The following ESRRG variants were observed in gnomAD, a reference collection of about 807,000 sequenced individuals.
ESRRG encodes estrogen-related receptor gamma.
Under a neutral mutation model 44.0 loss-of-function variants are expected in ESRRG, and 13 were observed. The observed-to-expected ratio is 0.30, with a 90% confidence interval of 0.19 to 0.47. The LOEUF (loss-of-function observed/expected upper bound fraction) is 0.47. ESRRG is among the 20% of genes least tolerant of loss of function. The pLI, the probability that ESRRG is intolerant of heterozygous loss-of-function variation, is 1.00. For missense variants in ESRRG, 395 were observed against 580.6 expected, an observed-to-expected ratio of 0.68 and a Z score of 3.29; for synonymous variants, 215 against 214.6, an observed-to-expected ratio of 1.00 and a Z score of -0.02.
intron 2 of ESRRG, among the ~76,000 whole-genome samples, chr1:216,911,264 C>A (rs1469379408): frequency 6.6e-6 from 1 of 152,072 alleles, no homozygotes; most frequent in East Asian, 1.9e-4. Flanking sequence ...AACTATGGTA[C>A]ATCGAGACGC....
chr1:216,541,065 AT>A (rs1362295910), intron 5 of ESRRG, among the ~76,000 whole-genome samples: 1 of 152,030 alleles, frequency 6.6e-6, no homozygotes, highest in Non-Finnish European at 1.5e-5. Context: ...TCCAAGTTTT[AT>A]TAATTAGGTG....
At chr1:216,621,506 G>A (rs916638711) in intron 3 of ESRRG, among the ~76,000 whole-genome samples, 1 of 152,108 alleles carries the variant, frequency 6.6e-6, no homozygotes, top group African/African-American at 2.4e-5. Context: ...GTAAAGCCAC[G>A]CCCCTTAGAA....
In ESRRG at chr1:217,081,184, A is replaced by G. The variant is rs148113040; in HGVS notation, c.-106+8323T>C. ...TAACCCATTTCTGATGGAAGGGTTG[A>G]TTAGATATTTATCAGTGAATTATAG... On this transcript the variant is annotated intron_variant, in intron 1 of 7. Coordinates refer to the ESRRG transcript ENST00000359162. Among the ~76,000 whole-genome samples, 1,206 of 141,630 alleles carry G rather than the reference A, an allele frequency of 8.5e-3. 7 individuals carry two copies. The highest frequency in any genetic ancestry group is 0.034 in the Middle Eastern group (9 of 262). The allele number at this position is 141,630 out of a possible 152,430, so 92.9% of individuals were successfully genotyped here. A position where few individuals can be genotyped will look rare whatever the true frequency, so the allele number is the denominator to read the frequency against.
chr1:216,518,023 T>C (rs2044878948), intron 6 of ESRRG, among the ~76,000 whole-genome samples: 1 of 152,166 alleles, frequency 6.6e-6, no homozygotes, highest in Admixed American at 6.6e-5. Context: ...TTAAAAATTA[T>C]TTCTAAAAAC....
intron 2 of ESRRG, among the ~76,000 whole-genome samples, chr1:216,789,968 C>T (rs2094262506): frequency 2.6e-5 from 4 of 152,118 alleles, no homozygotes; most frequent in Non-Finnish European, 1.5e-5. Context: ...AAGCTCCTAC[C>T]AATGAATTAT....
chr1:216,980,643 A>T (rs1015203228), intron 1 of ESRRG, among the ~76,000 whole-genome samples: 2 of 151,996 alleles, frequency 1.3e-5, no homozygotes, highest in Admixed American at 1.3e-4. Context: ...ACCCATTTCA[A>T]TTCAACTTCC....
intron 2 of ESRRG, among the ~76,000 whole-genome samples, chr1:216,750,300 C>CCAA (rs2091883609): frequency 6.6e-6 from 1 of 152,130 alleles, no homozygotes; most frequent in South Asian, 2.1e-4. Flanking sequence ...TTCCAGCTAG[C>CCAA]CAACCTCTCA....
chr1:216,521,308 C>T (rs557651367), intron 5 of ESRRG, among the ~76,000 whole-genome samples: 2 of 152,106 alleles, frequency 1.3e-5, no homozygotes, highest in African/African-American at 4.8e-5. Flanking sequence ...TTAATTTTAG[C>T]AATGTTATAT....
chr1:216,751,573 C>T (rs2092010067), intron 2 of ESRRG, among the ~76,000 whole-genome samples: 1 of 152,012 alleles, frequency 6.6e-6, no homozygotes. Flanking sequence ...CCCTCCACTC[C>T]CTTTATTCTT....
At chr1:217,022,993 A>G (rs989727271) in intron 1 of ESRRG, among the ~76,000 whole-genome samples, 1 of 152,192 alleles carries the variant, frequency 6.6e-6, no homozygotes, top group Non-Finnish European at 1.5e-5. Context: ...GGATGAACAC[A>G]TTTCTGAAAA....
chr1:216,551,065 A>C (rs964736287), intron 5 of ESRRG, among the ~76,000 whole-genome samples: 23 of 152,170 alleles, frequency 1.5e-4, no homozygotes, highest in African/African-American at 5.3e-4. Flanking sequence ...AAGACTCTTG[A>C]CTATGTGAGA....
upstream of ESRRG, chr1:217,090,455 C>G (rs1459918511): frequency 6.6e-6 from 1 of 152,242 alleles, no homozygotes; most frequent in Non-Finnish European, 1.5e-5. Context: ...GAATCGGCAC[C>G]AAGACAGCGA....
chr1:216,540,009 C>T (rs1172201095), intron 5 of ESRRG, among the ~76,000 whole-genome samples: 11 of 151,634 alleles, frequency 7.3e-5, no homozygotes, highest in African/African-American at 1.9e-4. Context: ...ATAATTTAAC[C>T]AAGAAATTTA....
intron 1 of ESRRG, among the ~76,000 whole-genome samples, chr1:217,128,549 G>A (rs1462542772): frequency 6.6e-6 from 1 of 152,022 alleles, no homozygotes; most frequent in East Asian, 1.9e-4. Context: ...AAACAGAGGA[G>A]ACTATTTGAA....
chr1:216,672,916 G>T (rs749327243), intron 2 of ESRRG, among the ~76,000 whole-genome samples: 2 of 152,100 alleles, frequency 1.3e-5, no homozygotes, highest in Non-Finnish European at 2.9e-5. Flanking sequence ...ACAGATGATG[G>T]TGTACATGAA....
At chr1:217,057,494 A>C (rs2087374110) in intron 1 of ESRRG, among the ~76,000 whole-genome samples, 1 of 152,196 alleles carries the variant, frequency 6.6e-6, no homozygotes, top group African/African-American at 2.4e-5. Context: ...GACATTAAGA[A>C]ATGATACAAA....
intron 5 of ESRRG, among the ~76,000 whole-genome samples, chr1:216,563,861 C>T (rs10863255): frequency 0.18 from 27,236 of 152,046 alleles, 3,096 homozygotes; most frequent in Middle Eastern, 0.26. Context: ...ATTAGGCTAC[C>T]GCTGACAAAA....
intron 3 of ESRRG, among the ~76,000 whole-genome samples, chr1:216,612,903 A>T (rs865862564): frequency 1.6e-4 from 25 of 152,334 alleles, no homozygotes; most frequent in African/African-American, 5.5e-4. Context: ...AAAGCCAACT[A>T]AATACATGGG....
intron 2 of ESRRG, among the ~76,000 whole-genome samples, chr1:216,860,518 A>T (rs2096033026): frequency 6.6e-6 from 1 of 152,116 alleles, no homozygotes; most frequent in Non-Finnish European, 1.5e-5. Flanking sequence ...GACAGAAGAC[A>T]CTACATGGAG....
Sources: allele counts gnomAD v4.1 joint callset (sites outside exome capture counted in the v4.1 genomes callset), GRCh38; gene constraint gnomAD v4.1.1; transcripts MANE v1.5; gene names NCBI Gene and HGNC (gene_info 2026-07-23, HGNC 2026-07-21).